The following PLEKHD1 variants were observed in gnomAD, a reference collection of about 807,000 sequenced individuals.
PLEKHD1 encodes the protein pleckstrin homology and coiled-coil domain containing D1.
A neutral mutation model predicts 69.2 loss-of-function variants in PLEKHD1; 51 were observed. The ratio of observed to expected loss-of-function variants is 0.74; its 90% CI spans 0.59 to 0.93. The LOEUF is 0.93. Ranked by LOEUF, PLEKHD1 falls within the 40% of genes least tolerant of loss-of-function variation. The probability of loss-of-function intolerance (pLI) is 0.00; values close to 1 mark genes in which losing one functional copy is unlikely to be tolerated. For synonymous variants in PLEKHD1, 236 were observed against 244.7 expected (o/e 0.96, Z 0.33); for missense variants, 584 against 641.0 (o/e 0.91, Z 0.96).
chr14:69,498,638 C>CTTCTCTTCTA (rs1882949479), intron 1 of PLEKHD1, among the ~76,000 whole-genome samples: 1 of 142,684 alleles, frequency 7.0e-6, no homozygotes, highest in African/African-American at 2.6e-5. Flanking sequence ...CTTCTCTTCT[C>CTTCTCTTCTA]TTCTCTTCTC....
intron 1 of PLEKHD1, among the ~76,000 whole-genome samples, chr14:69,491,688 G>T (rs534912881): frequency 6.6e-6 from 1 of 152,272 alleles, no homozygotes; most frequent in African/African-American, 2.4e-5. Context: ...GCTCCAGATG[G>T]GCTTATCATG....
At chr14:69,505,203 A>G (rs997149832) in intron 6 of PLEKHD1, among the ~76,000 whole-genome samples, 3 of 152,176 alleles carry the variant, frequency 2.0e-5, no homozygotes, top group Non-Finnish European at 4.4e-5. Context: ...CCCACCATGA[A>G]GGCTGTTCTG....
intron 3 of PLEKHD1, 97 bp downstream of exon 3, chr14:69,500,763 G>T: frequency 1.3e-6 from 2 of 1,521,296 alleles, no homozygotes; most frequent in Non-Finnish European, 1.8e-6. Flanking sequence ...CCTGGGAGAG[G>T]GGCATCAGCA....
chr14:69,529,906 G>A lies in PLEKHD1; in HGVS notation c.*1487G>A, dbSNP rs536691821. On this transcript the variant is annotated 3_prime_UTR_variant, in exon 13 of 13. Transcript: ENST00000322564. ...AAGGGTGTGTCTGTCTCTCACTCAT[G>A]GACAGACAGACTGCCCAGACCCTCT... 1 of 152,322 alleles carries A rather than the reference G, an allele frequency of 6.6e-6. No individual in the cohort carries two copies. The highest frequency in any genetic ancestry group is 2.4e-5 in the African/African-American group (1 of 41,578). The allele number at this position is 152,322 out of a possible 1,614,324, so 9.4% of individuals were successfully genotyped here.
At position 69,498,690 on chromosome 14, in the gene PLEKHD1, C is replaced by T. The variant is rs549577635; in HGVS notation, c.150-1425C>T. ...GAGATGGAGTCTCACTCGTGTTGCC[C>T]AGGCTGGAGTGCAGTGGCGTGATCT... On this transcript the variant is annotated intron_variant, in intron 1 of 12. Coordinates refer to ENST00000322564, the MANE Select transcript of PLEKHD1 (RefSeq NM_001161498.2). Among the ~76,000 whole-genome samples, 5 of 138,680 alleles carry T rather than the reference C, an allele frequency of 3.6e-5. 1 individual carries two copies. Among genetic ancestry groups the T allele is most frequent in the African/African-American group, 1.3e-4 (5 of 38,794 alleles). 91.0% of individuals were successfully genotyped at this position (138,680 alleles called of 152,430 possible). A position where few individuals can be genotyped will look rare whatever the true frequency, so the allele number is the denominator to read the frequency against.
chr14:69,516,471 A>G (rs1462856630), intron 6 of PLEKHD1, among the ~76,000 whole-genome samples: 2 of 152,114 alleles, frequency 1.3e-5, no homozygotes, highest in South Asian at 2.1e-4. Flanking sequence ...TATACTTTTC[A>G]TCATACCTTC....
At chr14:69,473,667 G>A in the PLEKHD1 span, among the ~76,000 whole-genome samples, 1 of 152,180 alleles carries the variant, frequency 6.6e-6, no homozygotes, top group Non-Finnish European at 1.5e-5. Flanking sequence ...AGGAATGTGA[G>A]TAAAAGTTTG....
At chr14:69,517,280 A>G (rs1305826833) in intron 6 of PLEKHD1, among the ~76,000 whole-genome samples, 3 of 152,190 alleles carry the variant, frequency 2.0e-5, no homozygotes, top group African/African-American at 7.2e-5. Flanking sequence ...GGTGCACTGG[A>G]AGATCACAAG....
Position 69,527,292 on chromosome 14 carries a change from G to T in PLEKHD1, c.1161G>T (p.Glu387Asp). The change falls in exon 11 of 13, where the codon GAG becomes GAT. Residue 387 changes from glutamate (E) to aspartate (D), a missense_variant. Glu to Asp is a conservative substitution (Grantham distance 45). Transcript: ENST00000322564. ...TGAATTCCAAGGTGCGGAATAAGGA[G>T]AAGGAGGAGAGGATGCGGGCTGATG... ...QGLNSKVRNK[E>D]KEERMRADVS... is the part of the protein sequence containing the mutation. The T allele has an allele frequency of 6.4e-7, 1 of 1,551,814 alleles. No individual in the cohort carries two copies.
In PLEKHD1 at chr14:69,526,073, G is replaced by C. The variant is rs1437069264; in HGVS notation, c.874G>C (p.Glu292Gln). Residue 292 changes from glutamate (E) to glutamine (Q), a missense_variant, in exon 9 of 13, where the codon GAG becomes CAG. By Grantham distance (29) the Glu-to-Gln change is conservative. Coordinates refer to ENST00000322564, the MANE Select transcript of PLEKHD1 (RefSeq NM_001161498.2). ...GGLHSNLRQI[E>Q]EKMQQLLEEK... ...CCTCCATAGCAACCTCCGGCAGATC[G>C]AGGAGAAGATGCAGCAGCTCTTAGA... 4 of 1,551,616 alleles carry C rather than the reference G, an allele frequency of 2.6e-6. No individual in the cohort carries two copies. Among genetic ancestry groups the C allele is most frequent in the Non-Finnish European group, 3.5e-6 (4 of 1,146,968 alleles).
At chr14:69,472,269 ATTC>A in the PLEKHD1 span, among the ~76,000 whole-genome samples, 7 of 152,262 alleles carry the variant, frequency 4.6e-5, no homozygotes, top group East Asian at 1.9e-4. Flanking sequence ...TCTGTTTTTA[ATTC>A]TTCTAAGCTA....
Position 69,488,602 on chromosome 14 carries a change from G to C in PLEKHD1, c.149+3488G>C, listed in dbSNP as rs146390422. Among the ~76,000 whole-genome samples the C allele has an allele frequency of 5.5e-4, 84 of 152,242 alleles. No individual in the cohort carries two copies. The East Asian group carries it at 0.013, about 24-fold the overall frequency. ...ACCAGAGTGGCAACATAGGGTGTGG[G>C]GAACAGTGACCAGGTGGCAGTTGAG... On this transcript the variant is annotated intron_variant, in intron 1 of 12. Transcript: ENST00000322564.
At position 69,525,999 on chromosome 14, in the gene PLEKHD1, A is replaced by G. The variant is rs1302765846; in HGVS notation, c.800A>G (p.His267Arg). ...TLEMLEENEN[H>R]LQTLANQSEQ... ...GAAATGCTGGAGGAGAACGAGAACC[A>G]CCTGCAGACACTGGCCAATCAGAGT... Residue 267 changes from histidine to arginine, a missense_variant, in exon 9 of 13, where the codon CAC becomes CGC. His to Arg is a conservative substitution (Grantham distance 29). Transcript: ENST00000322564. 26 of 1,551,656 alleles carry G rather than the reference A, an allele frequency of 1.7e-5. No homozygotes were observed. Among genetic ancestry groups the G allele is most frequent in the Middle Eastern group, 1.7e-4 (1 of 5,990 alleles).
intron 1 of PLEKHD1, 54 bp from the exon 2 acceptor site, chr14:69,500,061 G>A: frequency 7.6e-7 from 1 of 1,323,808 alleles, no homozygotes; most frequent in Non-Finnish European, 1.1e-6. Context: ...GTTGTCCCAA[G>A]AAACCTCACC....
In PLEKHD1 at chr14:69,528,690, G is replaced by A. The variant is rs1883721659; in HGVS notation, c.*271G>A. The A allele has an allele frequency of 2.1e-6, 1 of 487,782 alleles. No homozygotes were observed. 30.2% of individuals were successfully genotyped at this position (487,782 alleles called of 1,614,324 possible). ...TGGTTGTCATGGTGAGGTGAGGACA[G>A]GACCTGGTTGTATGTGGAGATTTGT... is the stretch of plus-strand genomic sequence containing the variant. On this transcript the variant is annotated 3_prime_UTR_variant, in exon 13 of 13. Transcript: ENST00000322564.
intron 6 of PLEKHD1, among the ~76,000 whole-genome samples, chr14:69,518,298 C>T (rs1204083558): frequency 6.6e-6 from 1 of 152,146 alleles, no homozygotes; most frequent in Admixed American, 6.5e-5. Context: ...ACCTCGGCCT[C>T]CCATGGTGCT....
At chr14:69,521,302 A>ATGGAGG (rs1198873900) in intron 6 of PLEKHD1, among the ~76,000 whole-genome samples, 2 of 152,156 alleles carry the variant, frequency 1.3e-5, no homozygotes, top group Non-Finnish European at 2.9e-5. Context: ...TAGTTTAGAA[A>ATGGAGG]TGGAGGTCAT....
Position 69,502,232 on chromosome 14 carries a change from A to C in PLEKHD1, c.502+407A>C, listed in dbSNP as rs1235750158. Reference sequence around the variant, plus strand: ...CCAGACATGCAGTAAGGGCTCCATAAGTGGAGTTGATGTTGTTATCCTATC... The same window carrying C: ...CCAGACATGCAGTAAGGGCTCCATACGTGGAGTTGATGTTGTTATCCTATC... On this transcript the variant is annotated intron_variant, in intron 5 of 12. Coordinates refer to ENST00000322564, the MANE Select transcript of PLEKHD1 (RefSeq NM_001161498.2). The C allele has an allele frequency of 5.5e-5, 10 of 181,842 alleles. No homozygotes were observed. In the East Asian group the frequency reaches 1.4e-3, roughly 26 times the overall value. The allele number at this position is 181,842 out of a possible 1,614,324, so 11.3% of individuals were successfully genotyped here. A position where few individuals can be genotyped will look rare whatever the true frequency, so the allele number is the denominator to read the frequency against.
At chr14:69,504,657 C>T (rs1883112073) in intron 6 of PLEKHD1, among the ~76,000 whole-genome samples, 3 of 152,132 alleles carry the variant, frequency 2.0e-5, no homozygotes. Context: ...ATTGGTTATT[C>T]TTGCTCATTT....
Sources: gnomAD v4.1 joint callset for allele counts (sites outside exome capture counted in the v4.1 genomes callset) on GRCh38, gnomAD v4.1.1 for gene constraint, MANE v1.5 for transcripts, NCBI Gene and HGNC (gene_info 2026-07-23, HGNC 2026-07-21) for gene names.